The following LONP1 variants were observed in gnomAD, a reference collection of about 807,000 sequenced individuals.
LONP1 encodes lon protease homolog, mitochondrial.
Under a neutral mutation model 98.5 loss-of-function variants are expected in LONP1, and 31 were observed. The observed-to-expected ratio is 0.31, with a 90% CI of 0.24 to 0.42. The LOEUF is 0.42. LONP1 is among the 20% of genes least tolerant of loss of function. The pLI is 1.00. For synonymous variants in LONP1, 781 were observed against 594.7 expected (o/e 1.31, Z -4.56); for missense variants, 1,336 against 1,350.6 (o/e 0.99, Z 0.17).
Position 5,692,150 on chromosome 19 carries a change from T to C in LONP1, c.2762A>G (p.Tyr921Cys), listed in dbSNP as rs890587359. 4.3e-6 allele frequency: 7 copies of C among 1,613,990 alleles called. No individual in the cohort carries two copies. The highest frequency in any genetic ancestry group is 1.1e-5 in the South Asian group (1 of 91,086). The change falls in exon 18 of 18, where the codon TAC becomes TGC. Residue 921 changes from tyrosine to cysteine, a missense_variant. Physicochemically the swap from Tyr to Cys is radical, Grantham distance 194. Coordinates refer to ENST00000360614, the MANE Select transcript of LONP1 (RefSeq NM_004793.4). ...CTCGGTGATGAAGGCTGCCAGGTCG[T>C]AGAAGTCCTTCTTGTTCTCGGCTGG... is the stretch of plus-strand genomic sequence containing the variant. ...VLPAENKKDF[Y>C]DLAAFITEGL...
intron 17 of LONP1, 132 bp downstream of exon 17, chr19:5,693,166 A>G (rs2054861221): frequency 1.8e-6 from 2 of 1,137,640 alleles, no homozygotes; most frequent in African/African-American, 3.1e-5. Flanking sequence ...GCTCCAGGCC[A>G]GAGAGACCTG....
chr19:5,712,055 C>T (rs1309518692), intron 3 of LONP1, 53 bp from the exon 4 acceptor site: 1 of 1,475,658 alleles, frequency 6.8e-7, no homozygotes, highest in African/African-American at 1.4e-5. Flanking sequence ...GGGAGCTGGA[C>T]CCGGCTGAGG....
chr19:5,691,984 G>GGCCCAGACAGGGCCTGACATCCAGTTCT lies in LONP1; in HGVS notation c.*47_*48insAGAACTGGATGTCAGGCCCTGTCTGGGC. On this transcript the variant is annotated 3_prime_UTR_variant, in exon 18 of 18. Transcript: ENST00000360614. ...CGCGCTCCCCACAGCGCTCAGTTCT[G>GGCCCAGACAGGGCCTGACATCCAGTTCT]GCCCAGACAGGGCCTGACATCCGCC... 6.3e-7 allele frequency: 1 copy of GGCCCAGACAGGGCCTGACATCCAGTTCT among 1,584,594 alleles called. No homozygotes were observed. Among genetic ancestry groups the GGCCCAGACAGGGCCTGACATCCAGTTCT allele is most frequent in the Non-Finnish European group, 8.6e-7 (1 of 1,164,554 alleles).
In LONP1 at chr19:5,714,216, G is replaced by A; in HGVS notation, c.485C>T (p.Pro162Leu). The change falls in exon 2 of 18, where the codon CCT (proline) becomes CTT (leucine). Residue 162 changes from proline to leucine, a missense_variant. This residue lies in a region of LONP1 where 457 missense variants were observed against 403.1 expected (regional missense o/e 1.13). Coordinates refer to ENST00000360614, the MANE Select transcript of LONP1 (RefSeq NM_004793.4). ...LLRRKVRLAQ[P>L]YVGVFLKRDD... ...TCTCTTTAGAAAGACGCCGACATAA[G>A]GCTGGGCGAGACGAACTTTCCTTCT... is the stretch of plus-strand genomic sequence containing the variant. The A allele has an allele frequency of 6.2e-7, 1 of 1,613,952 alleles. No homozygotes were observed. Among genetic ancestry groups the A allele is most frequent in the Middle Eastern group, 1.6e-4 (1 of 6,062 alleles).
intron 7 of LONP1, among the ~76,000 whole-genome samples, chr19:5,706,371 G>A (rs1036959671): frequency 6.6e-6 from 1 of 152,196 alleles, no homozygotes; most frequent in African/African-American, 2.4e-5. Context: ...CACTTTGGGA[G>A]GCTGAAGCGG....
Position 5,709,907 on chromosome 19 carries a change from C to CAAAAA in LONP1, c.871-1509_871-1505dup, listed in dbSNP as rs755774542. Among the ~76,000 whole-genome samples, 25 of 38,670 alleles carry CAAAAA rather than the reference C, an allele frequency of 6.5e-4. 3 individuals carry two copies. Among genetic ancestry groups the CAAAAA allele is most frequent in the African/African-American group, 2.5e-3 (21 of 8,380 alleles). 25.4% of individuals were successfully genotyped at this position (38,670 alleles called of 152,430 possible). The stretch of plus-strand genomic sequence containing the variant: ...AGCCTGGGCGACAGAGGCTCCATCT[C>CAAAAA]AAAAAAAAAAAAAAAAAAAAAAAAA... On this transcript the variant is annotated intron_variant, in intron 4 of 17. Coordinates refer to ENST00000360614, the MANE Select transcript of LONP1 (RefSeq NM_004793.4).
intron 4 of LONP1, among the ~76,000 whole-genome samples, chr19:5,710,027 G>A (rs2055212358): frequency 6.6e-6 from 1 of 151,650 alleles, no homozygotes; most frequent in East Asian, 1.9e-4. Flanking sequence ...ATTCTCACAG[G>A]GAATGCCCCA....
In LONP1 at chr19:5,711,888, G is replaced by C. The variant is rs762359188; in HGVS notation, c.753C>G (p.Ser251Arg). The C allele has an allele frequency of 6.2e-7, 1 of 1,612,932 alleles. No homozygotes were observed. Among genetic ancestry groups the C allele is most frequent in the East Asian group, 2.2e-5 (1 of 44,864 alleles). Residue 251 changes from serine to arginine, a missense_variant, in exon 4 of 18, where the codon AGC becomes AGG. By Grantham distance (110) the Ser-to-Arg change is moderately radical (BLOSUM62 -1). Around this residue, in one of 5 missense-constraint regions of LONP1, gnomAD observed 457 missense variants for 403.1 expected, o/e 1.13. Coordinates refer to ENST00000360614, the MANE Select transcript of LONP1 (RefSeq NM_004793.4). Reference protein sequence around the residue: ...RGKKEAEDELSARHPAELAME... With the variant: ...RGKKEAEDELRARHPAELAME... ...TCGCCAGCTCCGCCGGGTGCCTGGCGCTCAGCTCGTCCTCCGCCTCCTTCT... is the reference window on the plus strand; with the variant it reads ...TCGCCAGCTCCGCCGGGTGCCTGGCCCTCAGCTCGTCCTCCGCCTCCTTCT...
At position 5,692,182 on chromosome 19, in the gene LONP1, G is replaced by A. The variant is rs751344022; in HGVS notation, c.2730C>T (p.Ile910=). 1.5e-5 allele frequency: 25 copies of A among 1,613,808 alleles called. No homozygotes were observed. The East Asian group carries it at 1.6e-4, about 10-fold the overall frequency. Residue 910 remains isoleucine (I), a synonymous_variant, in exon 18 of 18, where the codon ATC becomes ATT. Transcript: ENST00000360614. The part of the protein sequence containing the change: ...IAAKRAGVTC[I]VLPAENKKDF... ...CCTTCTTGTTCTCGGCTGGCAGGAC[G>A]ATGCACGTCACCCCTGCGCGCTTGG...
At chr19:5,697,808 A>G (rs2054968530) in intron 10 of LONP1, among the ~76,000 whole-genome samples, 2 of 151,858 alleles carry the variant, frequency 1.3e-5, no homozygotes, top group Admixed American at 1.3e-4. Flanking sequence ...CCCTCCCCGC[A>G]GCCCCGCTAC....
intron 7 of LONP1, among the ~76,000 whole-genome samples, chr19:5,706,416 C>T (rs889568304): frequency 2.0e-5 from 3 of 152,130 alleles, no homozygotes. Context: ...CAAGACCAGC[C>T]TGGCCAACAT....
intron 7 of LONP1, 36 bp downstream of exon 7, chr19:5,707,023 GC>G: frequency 6.4e-7 from 1 of 1,559,012 alleles, no homozygotes. Context: ...CGAGGGGAAG[GC>G]CCCCAAGAGT....
At chr19:5,710,981 G>C (rs145788898) in intron 4 of LONP1, among the ~76,000 whole-genome samples, 2 of 151,954 alleles carry the variant, frequency 1.3e-5, no homozygotes, top group African/African-American at 4.8e-5. Flanking sequence ...AGCTGAGATC[G>C]TTCCATTGCA....
Position 5,696,104 on chromosome 19 carries a change from T to C in LONP1, c.1963A>G (p.Met655Val), listed in dbSNP as rs751275318. ...IPEPLRDRME[M>V]INVSGYVAQE... Reference sequence around the variant, plus strand: ...GCCACGTAGCCCGACACGTTGATCATCTCCATACGGTCTCGCAGCGGCTCG... The same window carrying C: ...GCCACGTAGCCCGACACGTTGATCACCTCCATACGGTCTCGCAGCGGCTCG... Residue 655 changes from methionine to valine, a missense_variant, in exon 13 of 18, where the codon ATG becomes GTG. This residue lies in a region of LONP1 where 555 missense variants were observed against 542.6 expected (regional missense o/e 1.02). Transcript: ENST00000360614. 3.1e-6 allele frequency: 5 copies of C among 1,612,934 alleles called. No individual in the cohort carries two copies. The highest frequency in any genetic ancestry group is 1.7e-5 in the Admixed American group (1 of 59,992).
intron 8 of LONP1, 95 bp from the exon 9 acceptor site, chr19:5,701,022 C>T (rs2055031743): frequency 1.4e-6 from 2 of 1,441,134 alleles, no homozygotes; most frequent in Admixed American, 3.4e-5. Flanking sequence ...GGCTTGAAAC[C>T]CATGTGTGGG....
chr19:5,692,570 T>G (rs758461940), intron 17 of LONP1, among the ~76,000 whole-genome samples: 1 of 152,112 alleles, frequency 6.6e-6, no homozygotes, highest in Non-Finnish European at 1.5e-5. Context: ...TGTGAGCATC[T>G]GCATCTCTGC....
chr19:5,714,188 A>C lies in LONP1; in HGVS notation c.513T>G (p.Asp171Glu). Reference sequence around the variant, plus strand: ...GAAGGAAAAATCACACTTACCTGTCATCTCTCTTTAGAAAGACGCCGACAT... The same window carrying C: ...GAAGGAAAAATCACACTTACCTGTCCTCTCTCTTTAGAAAGACGCCGACAT... ...QPYVGVFLKR[D>E]DSNESDVVES... Residue 171 changes from aspartate to glutamate, a missense_variant, in exon 2 of 18, where the codon GAT (aspartate) becomes GAG (glutamate). By Grantham distance (45) the Asp-to-Glu change is conservative. Coordinates refer to ENST00000360614, the MANE Select transcript of LONP1 (RefSeq NM_004793.4). The C allele has an allele frequency of 6.2e-7, 1 of 1,612,662 alleles. No individual in the cohort carries two copies. Among genetic ancestry groups the C allele is most frequent in the Non-Finnish European group, 8.5e-7 (1 of 1,179,276 alleles).
intron 8 of LONP1, among the ~76,000 whole-genome samples, chr19:5,701,522 G>A (rs150473648): frequency 0.12 from 17,560 of 152,200 alleles, 1,908 homozygotes; most frequent in East Asian, 0.55. Context: ...TGGTGGAGAC[G>A]GGGTTTCACT....
intron 6 of LONP1, 99 bp downstream of exon 6, chr19:5,707,598 G>T: frequency 7.6e-7 from 1 of 1,308,494 alleles, no homozygotes; most frequent in Non-Finnish European, 1.1e-6. Context: ...CCAGGCATGG[G>T]GGAGCTGAGG....
Sources: allele counts gnomAD v4.1 joint callset (sites outside exome capture counted in the v4.1 genomes callset), GRCh38; gene constraint gnomAD v4.1.1; regional missense constraint gnomAD v4.1.1; transcripts MANE v1.5; gene names NCBI Gene and HGNC (gene_info 2026-07-23, HGNC 2026-07-21).